The following TNS1 variants were observed in gnomAD, a reference collection of about 807,000 sequenced individuals.
The protein encoded by TNS1 is tensin 1, also known as tensin-1.
In TNS1, 62 loss-of-function variants were observed where a neutral mutation model predicts 168.6. The ratio of observed to expected loss-of-function variants is 0.37; its 90% CI spans 0.30 to 0.45. The LOEUF is 0.45. TNS1 is among the 20% of genes least tolerant of loss of function. The pLI is 1.00. For missense variants in TNS1, 2,240 were observed against 2,339.4 expected, an observed-to-expected ratio of 0.96 and a Z score of 0.88; for synonymous variants, 934 against 933.2, an observed-to-expected ratio of 1.00 and a Z score of -0.02.
intron 2 of TNS1, among the ~76,000 whole-genome samples, chr2:217,981,577 C>T (rs760240068): frequency 2.0e-5 from 3 of 152,212 alleles, no homozygotes; most frequent in Non-Finnish European, 2.9e-5. Flanking sequence ...AGCTCCCAGC[C>T]CAGAAGACAA....
intron 18 of TNS1, chr2:217,879,536 A>C: frequency 7.7e-6 from 3 of 387,250 alleles, no homozygotes; most frequent in South Asian, 5.5e-5. Flanking sequence ...AGGGGTTGGG[A>C]ACTGAGGCAG....
At chr2:217,810,635 A>T (rs910064456) in intron 28 of TNS1, among the ~76,000 whole-genome samples, 2 of 152,208 alleles carry the variant, frequency 1.3e-5, no homozygotes, top group Non-Finnish European at 2.9e-5. Context: ...CTCCATGTAC[A>T]GCTTAGCCAG....
At chr2:217,852,706 C>G (rs769723514) in intron 18 of TNS1, among the ~76,000 whole-genome samples, 21 of 152,216 alleles carry the variant, frequency 1.4e-4, no homozygotes, top group Non-Finnish European at 2.8e-4. Flanking sequence ...CAATGTTAAA[C>G]TTGTTCTGTC....
At chr2:218,007,677 G>A (rs1160303843), upstream of TNS1, among the ~76,000 whole-genome samples, 1 of 151,976 alleles carries the variant, frequency 6.6e-6, no homozygotes, top group Non-Finnish European at 1.5e-5. Flanking sequence ...GGCTCCAGAA[G>A]AGTCAGCGAG....
chr2:218,022,316 G>A (rs1958812606), intron 1 of TNS1, among the ~76,000 whole-genome samples: 1 of 152,156 alleles, frequency 6.6e-6, no homozygotes, highest in African/African-American at 2.4e-5. Flanking sequence ...ACCATGCCCA[G>A]GCCTGACGGC....
chr2:217,873,972 AGAAGACTTACT>A (rs1401731707), intron 18 of TNS1, among the ~76,000 whole-genome samples: 5 of 152,020 alleles, frequency 3.3e-5, no homozygotes, highest in Admixed American at 3.3e-4. Flanking sequence ...GAAAACAGAA[AGAAGACTTACT>A]GAGCCTCCCC....
intron 3 of TNS1, among the ~76,000 whole-genome samples, chr2:217,932,936 G>A (rs1028168100): frequency 1.3e-5 from 2 of 152,184 alleles, no homozygotes; most frequent in Non-Finnish European, 2.9e-5. Context: ...AACCCCATCT[G>A]CTCTGATGGA....
intron 19 of TNS1, chr2:217,841,153 G>T: frequency 1.1e-6 from 1 of 904,120 alleles, no homozygotes; most frequent in Non-Finnish European, 1.3e-6. Context: ...GCTCAAAAGT[G>T]GGCCAAAGAG....
intron 3 of TNS1, among the ~76,000 whole-genome samples, chr2:217,921,842 C>T (rs971309348): frequency 6.6e-6 from 1 of 152,182 alleles, no homozygotes; most frequent in African/African-American, 2.4e-5. Flanking sequence ...CTTTCAATAA[C>T]CCAGTAAGGT....
chr2:217,917,253 T>C (rs1955119248), intron 4 of TNS1, among the ~76,000 whole-genome samples: 1 of 151,992 alleles, frequency 6.6e-6, no homozygotes, highest in Admixed American at 6.5e-5. Flanking sequence ...GTTTATTGAG[T>C]ACCTAATCTG....
At chr2:218,005,584 C>A (rs896926266), upstream of TNS1, among the ~76,000 whole-genome samples, 2 of 152,214 alleles carry the variant, frequency 1.3e-5, no homozygotes. Flanking sequence ...GGCTTGTCAG[C>A]CTTTATTCCT....
At chr2:218,001,622 A>G (rs888995858) in intron 1 of TNS1, among the ~76,000 whole-genome samples, 1 of 152,054 alleles carries the variant, frequency 6.6e-6, no homozygotes, top group Admixed American at 6.5e-5. Flanking sequence ...CCAGTAAACC[A>G]CAAATGCATC....
rs748677064 is a variant in TNS1 at position 217,835,095 on chromosome 2, A to G, written c.3276T>C (p.Ser1092=). ...AGCTTCACAGGGAATTCTTACCCCCACTGGGTGGTGGGCTGCTCGGGGAGG... is the reference window on the plus strand; with the variant it reads ...AGCTTCACAGGGAATTCTTACCCCCGCTGGGTGGTGGGCTGCTCGGGGAGG... ...EGTSPSSPPP[S]GVRSPPGLAK... is the part of the protein sequence containing the mutation. Residue 1092 remains serine, a synonymous_variant, in exon 21 of 33, where the codon AGT becomes AGC. Coordinates refer to ENST00000682258, the MANE Select transcript of TNS1 (RefSeq NM_001387777.1). 13 of 1,571,242 alleles carry G rather than the reference A, an allele frequency of 8.3e-6. No individual in the cohort carries two copies. In the Admixed American group the frequency reaches 1.0e-4, roughly 12 times the overall value.
At chr2:217,926,574 C>T (rs979091673) in intron 3 of TNS1, among the ~76,000 whole-genome samples, 14 of 152,100 alleles carry the variant, frequency 9.2e-5, no homozygotes, top group Admixed American at 8.5e-4. Context: ...TTATTTTTTG[C>T]GATCTTCTTG....
At chr2:217,837,212 G>A (rs912949892) in intron 19 of TNS1, among the ~76,000 whole-genome samples, 7 of 152,132 alleles carry the variant, frequency 4.6e-5, no homozygotes, top group Non-Finnish European at 8.8e-5. Flanking sequence ...GTCAGCGTGT[G>A]TGCACACACA....
chr2:217,866,507 G>T (rs574170796), intron 18 of TNS1, among the ~76,000 whole-genome samples: 1 of 152,298 alleles, frequency 6.6e-6, no homozygotes, highest in African/African-American at 2.4e-5. Flanking sequence ...CAGAAAAGGG[G>T]ACTTACAGGA....
chr2:217,839,222 C>T (rs1349514144), intron 19 of TNS1, among the ~76,000 whole-genome samples: 1 of 152,162 alleles, frequency 6.6e-6, no homozygotes, highest in Admixed American at 6.5e-5. Flanking sequence ...GGAAGAGAAG[C>T]TCCCAGGAGG....
intron 19 of TNS1, chr2:217,841,259 C>T (rs867166328): frequency 3.6e-5 from 35 of 984,956 alleles, no homozygotes; most frequent in East Asian, 1.1e-4. Context: ...CCACTGTGTC[C>T]GATGCCCTGC....
chr2:218,026,061 C>A (rs1280640329), intron 1 of TNS1, among the ~76,000 whole-genome samples: 1 of 152,212 alleles, frequency 6.6e-6, no homozygotes, highest in Non-Finnish European at 1.5e-5. Flanking sequence ...TCCATTCAGT[C>A]CCATCTTGTT....
Sources: allele counts gnomAD v4.1 joint callset (sites outside exome capture counted in the v4.1 genomes callset), GRCh38; gene constraint gnomAD v4.1.1; transcripts MANE v1.5; gene names NCBI Gene and HGNC (gene_info 2026-07-23, HGNC 2026-07-21).